ESRP1: variants seen among roughly 807,000 people sequenced by gnomAD.
ESRP1 encodes RNA-binding motif protein 35A.
A neutral mutation model predicts 81.7 loss-of-function variants in ESRP1; 33 were observed. The ratio of observed to expected loss-of-function variants is 0.40; its 90% CI spans 0.31 to 0.54. ESRP1 has a LOEUF of 0.54. Among genes scored for constraint, ESRP1 ranks in the 20% least tolerant of loss-of-function variants. ESRP1 has a pLI of 0.41. For missense variants in ESRP1, 672 were observed against 833.1 expected (o/e 0.81, Z 2.38); for synonymous variants, 320 against 303.3 (o/e 1.06, Z -0.57).
chr8:94,690,020 G>A (rs145720078), intron 13 of ESRP1, among the ~76,000 whole-genome samples: 2,024 of 151,428 alleles, frequency 0.013, 40 homozygotes, highest in African/African-American at 0.046. Flanking sequence ...GGGTTTCACC[G>A]TGTTAGCCAG....
chr8:94,641,723 A>G, intron 1 of ESRP1: 1 of 605,122 alleles, frequency 1.7e-6, no homozygotes, highest in South Asian at 2.5e-5. Context: ...CGCCGAGACG[A>G]GGTGGGGTCT....
chr8:94,696,995 AG>A (rs1232156594), intron 15 of ESRP1, 34 bp downstream of exon 15: 1 of 1,394,700 alleles, frequency 7.2e-7, no homozygotes, highest in East Asian at 2.5e-5. Context: ...TAAATTATAA[AG>A]GGCCAAACAG....
chr8:94,690,308 T>G (rs1809348254), intron 13 of ESRP1, among the ~76,000 whole-genome samples: 1 of 78,778 alleles, frequency 1.3e-5, no homozygotes, highest in African/African-American at 4.2e-5. Context: ...TTTTTTTGGA[T>G]TTTTAGTGGA....
At chr8:94,653,445 G>A (rs750486615) in intron 4 of ESRP1, among the ~76,000 whole-genome samples, 3 of 152,180 alleles carry the variant, frequency 2.0e-5, no homozygotes, top group Non-Finnish European at 4.4e-5. Context: ...CACTTAGCTG[G>A]TGGTTGGCCT....
At position 94,665,123 on chromosome 8, in the gene ESRP1, C is replaced by G. The variant is rs553998616; in HGVS notation, c.889-31C>G. The G allele has an allele frequency of 4.0e-5, 65 of 1,613,686 alleles. 1 individual carries two copies. The South Asian group carries it at 6.7e-4, about 17-fold the overall frequency. On this transcript the variant is annotated intron_variant, in intron 8 of 15. Coordinates refer to ENST00000433389, the MANE Select transcript of ESRP1 (RefSeq NM_017697.4). Reference sequence around the variant, plus strand: ...GAGAATTAACATAGGACGGAAGGCTCAGAAACACTAACTTCTCTGTCTTTT... The same window carrying G: ...GAGAATTAACATAGGACGGAAGGCTGAGAAACACTAACTTCTCTGTCTTTT...
At chr8:94,671,948 A>G (rs1455504692) in intron 11 of ESRP1, among the ~76,000 whole-genome samples, 1 of 152,196 alleles carries the variant, frequency 6.6e-6, no homozygotes, top group African/African-American at 2.4e-5. Flanking sequence ...ATGAACTGAA[A>G]ATAATGCTGT....
intron 4 of ESRP1, among the ~76,000 whole-genome samples, chr8:94,658,096 G>A (rs1042415304): frequency 7.9e-5 from 12 of 152,096 alleles, no homozygotes; most frequent in African/African-American, 2.9e-4. Context: ...ATTTTTAGTC[G>A]AGACAGGAGT....
At chr8:94,657,277 G>A (rs988690734) in intron 4 of ESRP1, among the ~76,000 whole-genome samples, 1 of 152,216 alleles carries the variant, frequency 6.6e-6, no homozygotes, top group Admixed American at 6.5e-5. Context: ...TGCATGAGGA[G>A]CTATAAATTA....
chr8:94,668,293 C>T (rs1402725078), intron 10 of ESRP1, 43 bp downstream of exon 10: 1 of 1,496,264 alleles, frequency 6.7e-7, no homozygotes, highest in Non-Finnish European at 8.9e-7. Context: ...GCATTAATTT[C>T]TGTTCTTTAT....
intron 13 of ESRP1, among the ~76,000 whole-genome samples, chr8:94,689,359 A>C (rs931609893): frequency 6.6e-6 from 1 of 151,470 alleles, no homozygotes; most frequent in African/African-American, 2.4e-5. Flanking sequence ...TCAGTGTGCA[A>C]CTCTTGCACT....
intron 9 of ESRP1, among the ~76,000 whole-genome samples, chr8:94,667,217 CA>C (rs67664228): frequency 0.22 from 30,451 of 138,330 alleles, 3,878 homozygotes; most frequent in African/African-American, 0.38. Flanking sequence ...AACTGTGTCT[CA>C]AAAAAAAAAC....
At chr8:94,697,921 C>T (rs1275625793) in intron 15 of ESRP1, among the ~76,000 whole-genome samples, 1 of 152,122 alleles carries the variant, frequency 6.6e-6, no homozygotes, top group Non-Finnish European at 1.5e-5. Context: ...GCTGGGATTA[C>T]AGGCACCTGC....
chr8:94,650,625 T>C (rs1326136534), intron 4 of ESRP1, among the ~76,000 whole-genome samples: 1 of 152,264 alleles, frequency 6.6e-6, no homozygotes, highest in Non-Finnish European at 1.5e-5. Context: ...CTGAAGGACA[T>C]CTTGGTTGCT....
At chr8:94,674,752 G>A (rs2130650830) in intron 12 of ESRP1, among the ~76,000 whole-genome samples, 1 of 152,282 alleles carries the variant, frequency 6.6e-6, no homozygotes, top group Admixed American at 6.5e-5. Flanking sequence ...ATAAGCACTT[G>A]ATTTCTGAAG....
intron 15 of ESRP1, among the ~76,000 whole-genome samples, chr8:94,702,732 C>T (rs977221634): frequency 6.6e-6 from 1 of 152,126 alleles, no homozygotes; most frequent in African/African-American, 2.4e-5. Context: ...ATCCGCCTGC[C>T]TCGGCCTCCC....
chr8:94,672,536 CT>C (rs556057261), intron 11 of ESRP1, among the ~76,000 whole-genome samples: 3,539 of 145,680 alleles, frequency 0.024, 117 homozygotes, highest in African/African-American at 0.078. Flanking sequence ...AACTTTGGAA[CT>C]TTTTTTTTTT....
intron 13 of ESRP1, among the ~76,000 whole-genome samples, chr8:94,682,446 A>G (rs1808926287): frequency 6.6e-6 from 1 of 152,210 alleles, no homozygotes; most frequent in Admixed American, 6.5e-5. Context: ...GGCTCACTGC[A>G]GCCTTGATCT....
intron 2 of ESRP1, among the ~76,000 whole-genome samples, chr8:94,642,730 T>C (rs1817675673): frequency 6.6e-6 from 1 of 152,230 alleles, no homozygotes; most frequent in Admixed American, 6.5e-5. Flanking sequence ...AACCGGCTGT[T>C]CCGGGGTGCT....
chr8:94,705,601 G>C, intron 15 of ESRP1: 1 of 219,630 alleles, frequency 4.6e-6, no homozygotes, highest in Non-Finnish European at 8.9e-6. Context: ...GAATGAAATA[G>C]TCTCTCCAGA....
Sources: allele counts gnomAD v4.1 joint callset (sites outside exome capture counted in the v4.1 genomes callset), GRCh38; gene constraint gnomAD v4.1.1; transcripts MANE v1.5; gene names NCBI Gene and HGNC (gene_info 2026-07-23, HGNC 2026-07-21).